YY1AP1: variants seen among roughly 807,000 people sequenced by gnomAD.
The protein encoded by YY1AP1 is YY1-associated protein 1.
In YY1AP1, 43 loss-of-function variants were observed where a neutral mutation model predicts 39.9. The observed-to-expected ratio is 1.08, with a 90% CI of 0.84 to 1.39. The LOEUF (loss-of-function observed/expected upper bound fraction) is 1.39, where lower values mean the gene tolerates loss of function less well. Among genes scored for constraint, YY1AP1 ranks in the 40% most tolerant of loss-of-function variants. The pLI, the probability that YY1AP1 is intolerant of heterozygous loss-of-function variation, is 0.00. For missense variants in YY1AP1, 813 were observed against 900.7 expected (o/e 0.90, Z 1.25); for synonymous variants, 292 against 331.3 (o/e 0.88, Z 1.29).
chr1:155,660,983 T>C (rs1179965506), intron 10 of YY1AP1, 70 bp from the exon 11 acceptor site: 29 of 1,608,888 alleles, frequency 1.8e-5, no homozygotes, highest in Admixed American at 3.4e-5. Flanking sequence ...ACTTTCTAAG[T>C]TTAGGGACCT....
At position 155,676,866 on chromosome 1, in the gene YY1AP1, C is replaced by T; in HGVS notation, c.126-120G>A. The T allele has an allele frequency of 4.0e-6, 4 of 989,334 alleles. 1 individual carries two copies. Among genetic ancestry groups the T allele is most frequent in the Non-Finnish European group, 6.0e-6 (4 of 661,508 alleles). 61.3% of individuals were successfully genotyped at this position (989,334 alleles called of 1,614,324 possible). On this transcript the variant is annotated intron_variant, in intron 4 of 10. Coordinates refer to ENST00000355499, the MANE Select transcript of YY1AP1 (RefSeq NM_139119.3). ...TCATTCCCTACTAATCCCCCCTTTT[C>T]ACTTTAGCCAACAGTCAAACTCCCA...
intron 6 of YY1AP1, among the ~76,000 whole-genome samples, chr1:155,674,352 T>C (rs1179436260): frequency 6.6e-6 from 1 of 152,080 alleles, no homozygotes; most frequent in Non-Finnish European, 1.5e-5. Context: ...TCTTACTATG[T>C]TGCCCAGGCT....
rs986637548 is a variant in YY1AP1, at chr1:155,659,798, T to G, written c.2112A>C (p.Lys704Asn). Residue 704 changes from lysine to asparagine, a missense_variant, in exon 11 of 11, where the codon AAA (lysine) becomes AAC (asparagine). Lys to Asn is a moderately conservative substitution (Grantham distance 94, BLOSUM62 0). Transcript: ENST00000355499. ...CCAGAGCTTGCCTTCCCTCCTCTGT[T>G]TTCACAACGGTCCAGCGATAGGCAC... ...ENSAYRWTVV[K>N]TEEGRQALEP... 6.2e-7 allele frequency: 1 copy of G among 1,614,196 alleles called. No homozygotes were observed. The highest frequency in any genetic ancestry group is 8.5e-7 in the Non-Finnish European group (1 of 1,180,034).
At chr1:155,679,685 A>G (rs1405233135) in intron 3 of YY1AP1, 173 bp from the exon 4 acceptor site, 2 of 985,342 alleles carry the variant, frequency 2.0e-6, no homozygotes, top group African/African-American at 1.7e-5. Context: ...CACATATGGA[A>G]TGACTATTAT....
At chr1:155,685,336 A>C (rs1652064844) in intron 2 of YY1AP1, among the ~76,000 whole-genome samples, 1 of 152,208 alleles carries the variant, frequency 6.6e-6, no homozygotes, top group African/African-American at 2.4e-5. Context: ...TCAACCACAG[A>C]AAATTAGCGT....
Position 155,660,299 on chromosome 1 carries a change from C to G in YY1AP1, c.1611G>C (p.Arg537Ser). ...RRRPSKRRGA[R>S]AFRCIKPAPV... ...GGGCAGGTTTGATACAGCGAAAGGC[C>G]CTGGCTCCCCTTCTTTTTGAGGGTC... The change falls in exon 11 of 11, where the codon AGG becomes AGC. Residue 537 changes from arginine to serine, a missense_variant. Physicochemically the swap from Arg to Ser is moderately radical, Grantham distance 110. Transcript: ENST00000355499. 6.2e-7 allele frequency: 1 copy of G among 1,614,108 alleles called. No homozygotes were observed. The highest frequency in any genetic ancestry group is 8.5e-7 in the Non-Finnish European group (1 of 1,180,010).
chr1:155,669,747 C>T (rs1649565766), intron 8 of YY1AP1, among the ~76,000 whole-genome samples: 1 of 152,158 alleles, frequency 6.6e-6, no homozygotes, highest in Admixed American at 6.5e-5. Context: ...CATAATCTAG[C>T]TGGGTGTGGT....
chr1:155,668,850 A>G (rs1649444488), intron 8 of YY1AP1, 73 bp from the exon 9 acceptor site: 5 of 1,605,152 alleles, frequency 3.1e-6, no homozygotes, highest in Non-Finnish European at 3.4e-6. Flanking sequence ...AGACTAACAC[A>G]TTTTACAATC....
In YY1AP1 at chr1:155,676,680, C is replaced by T; in HGVS notation, c.192G>A (p.Gln64=). 6.2e-7 allele frequency: 1 copy of T among 1,614,180 alleles called. No homozygotes were observed. Among genetic ancestry groups the T allele is most frequent in the Non-Finnish European group, 8.5e-7 (1 of 1,180,038 alleles). ...QHQIAKELFE[Q]LKMKKPSAKQ... ...TGGCTGAAGGTTTCTTCATCTTCAG[C>T]TGTTCAAATAGTTCCTTCGCTATCT... Residue 64 remains glutamine (Q), a synonymous_variant, in exon 5 of 11, where the codon CAG becomes CAA. Coordinates refer to ENST00000355499, the MANE Select transcript of YY1AP1 (RefSeq NM_139119.3).
At position 155,668,681 on chromosome 1, in the gene YY1AP1, C is replaced by T. The variant is rs377332658; in HGVS notation, c.825G>A (p.Leu275=). ...TGTTGAGGTTCTTGATTCTCACTGT[C>T]AGTTGGCGGGCAGTCTTGCAGGTTA... The part of the protein sequence containing the change: ...YLLTCKTARQ[L]TVRIKNLNMN... The change falls in exon 9 of 11, where the codon CTG becomes CTA. Residue 275 remains leucine (L), a synonymous_variant. Transcript: ENST00000355499. The T allele has an allele frequency of 1.2e-6, 2 of 1,614,020 alleles. No homozygotes were observed. Among genetic ancestry groups the T allele is most frequent in the African/African-American group, 2.7e-5 (2 of 74,894 alleles).
Position 155,675,037 on chromosome 1 carries a change from C to T in YY1AP1, c.384G>A (p.Pro128=), listed in dbSNP as rs367625562. ...GACATATCCTGGTGCTACTGGCCTC[C>T]GGATTGAGATTGGGGTTGCAGGTGG... The part of the protein sequence containing the change: ...LLATCNPNLN[P]EASSTRICLK... Residue 128 remains proline, a synonymous_variant, in exon 6 of 11, where the codon CCG becomes CCA. Transcript: ENST00000355499. The T allele has an allele frequency of 4.0e-5, 65 of 1,613,368 alleles. No individual in the cohort carries two copies. The highest frequency in any genetic ancestry group is 2.7e-4 in the Admixed American group (16 of 59,968).
At chr1:155,680,593 G>A in intron 2 of YY1AP1, 137 bp from the exon 3 acceptor site, 1 of 690,452 alleles carries the variant, frequency 1.4e-6, no homozygotes, top group Non-Finnish European at 2.5e-6. Flanking sequence ...CTGAGACAGG[G>A]TCTCACTCTG....
intron 5 of YY1AP1, among the ~76,000 whole-genome samples, chr1:155,675,350 CAG>C (rs1650490827): frequency 6.6e-6 from 1 of 151,630 alleles, no homozygotes; most frequent in Non-Finnish European, 1.5e-5. Context: ...TATTTTTAGA[CAG>C]AGTCTCGCAC....
At position 155,660,564 on chromosome 1, in the gene YY1AP1, C is replaced by T. The variant is rs749346586; in HGVS notation, c.1346G>A (p.Arg449Gln). ...GGCTGGCTGTATTGGGTGAGGAATC[C>T]GGAGCACCATTTTGCTCGGAGGGGC... ...SEAPPSKMVL[R>Q]IPHPIQPATV... The change falls in exon 11 of 11, where the codon CGG (arginine) becomes CAG (glutamine). Residue 449 changes from arginine (R) to glutamine (Q), a missense_variant. Physicochemically the swap from Arg to Gln is conservative, Grantham distance 43. Around this residue, in one of 3 missense-constraint regions of YY1AP1, gnomAD observed 586 missense variants for 647.4 expected, o/e 0.91. Transcript: ENST00000355499. 40 of 1,613,968 alleles carry T rather than the reference C, an allele frequency of 2.5e-5. No homozygotes were observed. The highest frequency in any genetic ancestry group is 1.6e-4 in the Middle Eastern group (1 of 6,084).
At chr1:155,665,042 T>G (rs2149031085) in intron 9 of YY1AP1, among the ~76,000 whole-genome samples, 1 of 151,542 alleles carries the variant, frequency 6.6e-6, no homozygotes, top group Non-Finnish European at 1.5e-5. Flanking sequence ...AGTGCTGGGA[T>G]TACAGGCGTG....
chr1:155,662,316 C>T (rs1648286519), intron 9 of YY1AP1, among the ~76,000 whole-genome samples: 1 of 151,916 alleles, frequency 6.6e-6, no homozygotes, highest in Non-Finnish European at 1.5e-5. Context: ...CATGGTGAAA[C>T]TCCATCTCTA....
At chr1:155,679,982 G>A (rs1391283675) in intron 3 of YY1AP1, 4 of 260,364 alleles carry the variant, frequency 1.5e-5, no homozygotes, top group South Asian at 1.4e-4. Context: ...GAGCCTATGA[G>A]TTCCAGAACA....
intron 3 of YY1AP1, among the ~76,000 whole-genome samples, chr1:155,680,181 C>CA (rs35423534): frequency 0.015 from 1,522 of 104,612 alleles, 12 homozygotes; most frequent in South Asian, 0.066. Context: ...GACTTTGCCT[C>CA]AAAAAAAAAA....
rs751030095 is a variant in YY1AP1 at position 155,661,339 on chromosome 1, T to C, written c.964A>G (p.Arg322Gly). ...QPHQWKPPIE[R>G]EEHRLPFWLK... ...CAGAATGGGAGCCGGTGTTCTTCTC[T>C]CTCTATAGGTGGCTTCCACTGATGT... Residue 322 changes from arginine (R) to glycine (G), a missense_variant, in exon 10 of 11, where the codon AGA (arginine) becomes GGA (glycine). Transcript: ENST00000355499. 1 of 1,613,834 alleles carries C rather than the reference T, an allele frequency of 6.2e-7. No individual in the cohort carries two copies.
Sources: allele counts gnomAD v4.1 joint callset (sites outside exome capture counted in the v4.1 genomes callset), GRCh38; gene constraint gnomAD v4.1.1; regional missense constraint gnomAD v4.1.1; transcripts MANE v1.5; gene names NCBI Gene and HGNC (gene_info 2026-07-23, HGNC 2026-07-21).